The following CSMD1 variants were observed in gnomAD, a reference collection of about 807,000 sequenced individuals.
CSMD1 encodes the protein CUB and sushi domain-containing protein 1.
CSMD1 carries 213 observed loss-of-function variants against 417.5 expected under a neutral mutation model. The ratio of observed to expected loss-of-function variants is 0.51; its 90% CI spans 0.46 to 0.57. The LOEUF (loss-of-function observed/expected upper bound fraction) is 0.57. Among genes scored for constraint, CSMD1 ranks in the 20% least tolerant of loss-of-function variants. The pLI, the probability that CSMD1 is intolerant of heterozygous loss-of-function variation, is 0.00. For missense variants in CSMD1, 6,923 were observed against 4,529.7 expected (o/e 1.53, Z -15.17); for synonymous variants, 2,862 against 1,736.8 (o/e 1.65, Z -16.11).
At chr8:4,274,732 G>A (rs1023330952) in intron 3 of CSMD1, among the ~76,000 whole-genome samples, 1 of 152,122 alleles carries the variant, frequency 6.6e-6, no homozygotes, top group South Asian at 2.1e-4. Flanking sequence ...CATTTCTTGT[G>A]TCTAAACTGC....
intron 5 of CSMD1, among the ~76,000 whole-genome samples, chr8:3,872,701 A>T (rs1805557205): frequency 6.6e-6 from 1 of 152,142 alleles, no homozygotes; most frequent in Non-Finnish European, 1.5e-5. Flanking sequence ...TGCTACTTAG[A>T]AGGCCTTGTT....
intron 46 of CSMD1, 41 bp downstream of exon 46, chr8:3,106,487 T>C (rs1816156652): frequency 8.2e-7 from 1 of 1,224,152 alleles, no homozygotes; most frequent in Non-Finnish European, 1.2e-6. Context: ...ATTTTCCATG[T>C]TGAATAAGTT....
At chr8:3,574,662 T>C (rs1240198366) in intron 10 of CSMD1, among the ~76,000 whole-genome samples, 3 of 152,070 alleles carry the variant, frequency 2.0e-5, no homozygotes. Flanking sequence ...GAGACCTGAG[T>C]TGAAAAAGAC....
intron 6 of CSMD1, among the ~76,000 whole-genome samples, chr8:3,742,640 C>G (rs557532381): frequency 5.3e-5 from 8 of 152,058 alleles, no homozygotes; most frequent in African/African-American, 1.4e-4. Flanking sequence ...TTCTGCTCGT[C>G]CTGAAGGACG....
rs374337021 is a variant in CSMD1, at chr8:4,032,146, A to G, written c.416-47T>C. The G allele has an allele frequency of 6.1e-5, 88 of 1,433,500 alleles. No homozygotes were observed. In the African/African-American group the frequency reaches 1.0e-3, roughly 17 times the overall value. 88.8% of individuals were successfully genotyped at this position (1,433,500 alleles called of 1,614,324 possible). ...GGAGAAAAAACAAGTTAAATTTTCC[A>G]TGGAGAGCCACTTATAAGATAAAAC... On this transcript the variant is annotated intron_variant, in intron 3 of 69. Coordinates refer to ENST00000635120, the MANE Select transcript of CSMD1 (RefSeq NM_033225.6).
chr8:4,083,497 A>G (rs1005049474), intron 3 of CSMD1, among the ~76,000 whole-genome samples: 5 of 152,212 alleles, frequency 3.3e-5, no homozygotes, highest in African/African-American at 1.2e-4. Flanking sequence ...ACAGAGATAT[A>G]GATCAATGGA....
chr8:4,860,166 A>G (rs1178023145), intron 1 of CSMD1, among the ~76,000 whole-genome samples: 1 of 150,604 alleles, frequency 6.6e-6, no homozygotes, highest in African/African-American at 2.4e-5. Flanking sequence ...CAAGAACAAA[A>G]AACCAAACAC....
intron 5 of CSMD1, among the ~76,000 whole-genome samples, chr8:3,980,458 A>G (rs1296160900): frequency 6.6e-6 from 1 of 152,156 alleles, no homozygotes; most frequent in Non-Finnish European, 1.5e-5. Context: ...ACGTTTGTGA[A>G]GATTTTTTTT....
intron 3 of CSMD1, among the ~76,000 whole-genome samples, chr8:4,060,154 A>C (rs1298048847): frequency 6.6e-6 from 1 of 152,194 alleles, no homozygotes; most frequent in African/African-American, 2.4e-5. Context: ...CAAATCAATA[A>C]ATGTAATCCA....
intron 3 of CSMD1, among the ~76,000 whole-genome samples, chr8:4,082,611 A>G (rs974288740): frequency 2.0e-5 from 2 of 99,946 alleles, no homozygotes; most frequent in Admixed American, 9.6e-5. Context: ...TTTTCGTTTT[A>G]TTTTATTTTA....
intron 2 of CSMD1, among the ~76,000 whole-genome samples, chr8:4,589,487 G>C (rs559932960): frequency 5.7e-4 from 87 of 152,272 alleles, no homozygotes; most frequent in Non-Finnish European, 8.8e-4. Context: ...GCTGATCAGT[G>C]CCTGCGAGAC....
intron 49 of CSMD1, among the ~76,000 whole-genome samples, chr8:3,064,988 A>C (rs1463561168): frequency 6.6e-6 from 1 of 152,188 alleles, no homozygotes; most frequent in Admixed American, 6.5e-5. Flanking sequence ...GCACTGGGAA[A>C]CATGGCTGGA....
At chr8:4,944,872 C>G (rs372067160) in intron 1 of CSMD1, among the ~76,000 whole-genome samples, 1 of 152,046 alleles carries the variant, frequency 6.6e-6, no homozygotes, top group Non-Finnish European at 1.5e-5. Context: ...AAAAATAAAA[C>G]TGCCATATAA....
intron 2 of CSMD1, among the ~76,000 whole-genome samples, chr8:4,441,131 C>G (rs972688276): frequency 5.6e-5 from 1 of 17,874 alleles, no homozygotes; most frequent in African/African-American, 1.4e-4. Context: ...GAGATAGGGT[C>G]TCTGTCACCT....
At chr8:4,106,411 G>A (rs1585325014) in intron 3 of CSMD1, among the ~76,000 whole-genome samples, 1 of 152,150 alleles carries the variant, frequency 6.6e-6, no homozygotes, top group Non-Finnish European at 1.5e-5. Flanking sequence ...TATTATACAA[G>A]TCATTTCCAT....
chr8:3,836,044 T>C (rs958774801), intron 5 of CSMD1, among the ~76,000 whole-genome samples: 1 of 152,136 alleles, frequency 6.6e-6, no homozygotes, highest in East Asian at 1.9e-4. Flanking sequence ...CTTTTTCTAA[T>C]TGTTTATTGA....
Position 4,684,599 on chromosome 8 carries a change from C to G in CSMD1, c.86-47041G>C, listed in dbSNP as rs76162033. Among the ~76,000 whole-genome samples the G allele has an allele frequency of 3.4e-4, 52 of 152,256 alleles. No homozygotes were observed. The East Asian group carries it at 8.3e-3, about 24-fold the overall frequency. ...GGGTGCTTTGGCCCTGTTAGCCTGT[C>G]TGAACCCTCTTTTGAAAATTAGGAA... is the stretch of plus-strand genomic sequence containing the variant. On this transcript the variant is annotated intron_variant, in intron 1 of 69. Transcript: ENST00000635120.
intron 3 of CSMD1, among the ~76,000 whole-genome samples, chr8:4,312,281 G>A (rs1221408699): frequency 6.6e-6 from 1 of 151,204 alleles, no homozygotes; most frequent in African/African-American, 2.4e-5. Context: ...TAGCATTGAT[G>A]TATACTCATA....
At chr8:3,072,999 C>G (rs908688053) in intron 49 of CSMD1, among the ~76,000 whole-genome samples, 2 of 152,078 alleles carry the variant, frequency 1.3e-5, no homozygotes, top group African/African-American at 4.8e-5. Context: ...AAAATAAAAT[C>G]ATAAAATTAA....
Sources: gnomAD v4.1 joint callset for allele counts (sites outside exome capture counted in the v4.1 genomes callset) on GRCh38, gnomAD v4.1.1 for gene constraint, MANE v1.5 for transcripts, NCBI Gene and HGNC (gene_info 2026-07-23, HGNC 2026-07-21) for gene names.